The following AIG1 variants were observed in gnomAD, a reference collection of about 807,000 sequenced individuals.
AIG1 encodes androgen-induced gene 1 protein.
AIG1 carries 23 observed loss-of-function variants against 31.4 expected under a neutral mutation model. That is an observed-to-expected ratio of 0.73 (90% CI 0.53 to 1.04). The LOEUF is 1.04. AIG1 is among the 50% of genes least tolerant of loss of function. The pLI, the probability that AIG1 is intolerant of heterozygous loss-of-function variation, is 0.00. For synonymous variants in AIG1, 100 were observed against 110.5 expected, an observed-to-expected ratio of 0.90 and a Z score of 0.60; for missense variants, 274 against 295.0, an observed-to-expected ratio of 0.93 and a Z score of 0.52.
downstream of AIG1, chr6:143,342,825 A>G (rs1777883112): frequency 3.7e-6 from 3 of 802,764 alleles, no homozygotes; most frequent in Admixed American, 1.7e-5. Context: ...CAGTGATCTG[A>G]TATTTCAAAT....
chr6:143,197,958 G>A (rs7772833), intron 3 of AIG1, among the ~76,000 whole-genome samples: 23,170 of 152,104 alleles, frequency 0.15, 1,885 homozygotes, highest in Non-Finnish European at 0.18. Context: ...AAAAGAAGTT[G>A]GTGTTGTATA....
chr6:143,193,656 T>C (rs1278975203), intron 3 of AIG1, among the ~76,000 whole-genome samples: 1 of 152,366 alleles, frequency 6.6e-6, no homozygotes, highest in East Asian at 1.9e-4. Flanking sequence ...AACTTCATCA[T>C]AAAATGTACT....
At chr6:143,250,379 T>G (rs1794929410) in intron 3 of AIG1, among the ~76,000 whole-genome samples, 1 of 152,252 alleles carries the variant, frequency 6.6e-6, no homozygotes, top group South Asian at 2.1e-4. Context: ...GTTATAAATT[T>G]CAAAGATTTC....
rs11968804 is a variant in AIG1 at position 143,317,944 on chromosome 6, G to A, written c.516-15338G>A. ...ACTTAGAAATATAACTAATCAAGGAGGTGAAAGACATCTACAAGGAAAACT... is the reference window on the plus strand; with the variant it reads ...ACTTAGAAATATAACTAATCAAGGAAGTGAAAGACATCTACAAGGAAAACT... On this transcript the variant is annotated intron_variant, in intron 4 of 5. Transcript: ENST00000357847. Among the ~76,000 whole-genome samples, 879 of 151,892 alleles carry A rather than the reference G, an allele frequency of 5.8e-3. 5 individuals are homozygous for A. The highest frequency in any genetic ancestry group is 0.018 in the African/African-American group (761 of 41,446).
intron 2 of AIG1, among the ~76,000 whole-genome samples, chr6:143,149,438 A>C (rs1258701593): frequency 6.7e-6 from 1 of 150,360 alleles, no homozygotes; most frequent in Non-Finnish European, 1.5e-5. Context: ...GAGGCAGGAG[A>C]ATGGTGTGAA....
intron 4 of AIG1, among the ~76,000 whole-genome samples, chr6:143,303,467 A>G (rs1434296465): frequency 1.3e-5 from 2 of 152,158 alleles, no homozygotes; most frequent in Admixed American, 6.5e-5. Context: ...TCCCAGCACC[A>G]TTTATTAAAT....
At chr6:143,103,501 CTTTTTTTTTTTT>C (rs1173435325) in intron 1 of AIG1, among the ~76,000 whole-genome samples, 1 of 84,210 alleles carries the variant, frequency 1.2e-5, no homozygotes, top group African/African-American at 4.7e-5. Context: ...CAGAAGTTTT[CTTTTTTTTTTTT>C]TTTTTTTTTT....
At chr6:143,139,194 A>G (rs774413161) in intron 2 of AIG1, among the ~76,000 whole-genome samples, 4 of 151,966 alleles carry the variant, frequency 2.6e-5, no homozygotes, top group Non-Finnish European at 4.4e-5. Flanking sequence ...TTGTTTAGTT[A>G]TTTGTTTTAG....
intron 2 of AIG1, among the ~76,000 whole-genome samples, chr6:143,150,666 A>AAACCATG (rs1785137441): frequency 6.6e-6 from 1 of 152,084 alleles, no homozygotes; most frequent in Non-Finnish European, 1.5e-5. Context: ...GATGAACCAC[A>AAACCATG]TTTGTGCTTG....
intron 3 of AIG1, among the ~76,000 whole-genome samples, chr6:143,240,476 T>C (rs1794160346): frequency 6.6e-6 from 1 of 152,226 alleles, no homozygotes; most frequent in Non-Finnish European, 1.5e-5. Flanking sequence ...TTTCTCAATT[T>C]CTACATAAAA....
intron 3 of AIG1, among the ~76,000 whole-genome samples, chr6:143,166,839 C>T (rs1787003563): frequency 6.6e-6 from 1 of 152,070 alleles, no homozygotes; most frequent in Non-Finnish European, 1.5e-5. Context: ...TCTCAGAAAC[C>T]TTATATAATT....
intron 3 of AIG1, among the ~76,000 whole-genome samples, chr6:143,278,072 T>C (rs1173268099): frequency 1.3e-5 from 2 of 152,210 alleles, no homozygotes; most frequent in Admixed American, 6.5e-5. Context: ...CCATCACAAA[T>C]AGTCCAAAAT....
chr6:143,218,743 G>T (rs4896624), intron 3 of AIG1, among the ~76,000 whole-genome samples: 1 of 151,668 alleles, frequency 6.6e-6, no homozygotes, highest in African/African-American at 2.4e-5. Flanking sequence ...AATGAAGGAC[G>T]CTTCATTCAT....
At chr6:143,226,366 A>G (rs1019379873) in intron 3 of AIG1, among the ~76,000 whole-genome samples, 1 of 151,740 alleles carries the variant, frequency 6.6e-6, no homozygotes, top group Admixed American at 6.6e-5. Flanking sequence ...TCAGCCTCCA[A>G]GTAGCTGCGA....
chr6:143,252,752 G>T (rs578156354), intron 3 of AIG1, among the ~76,000 whole-genome samples: 2 of 152,302 alleles, frequency 1.3e-5, no homozygotes, highest in African/African-American at 4.8e-5. Context: ...CACGATTTCT[G>T]TAGATCAGGA....
intron 4 of AIG1, among the ~76,000 whole-genome samples, chr6:143,289,267 T>A (rs1797892713): frequency 6.6e-6 from 1 of 152,178 alleles, no homozygotes; most frequent in Non-Finnish European, 1.5e-5. Flanking sequence ...TTGATTTCCT[T>A]CAGGACCTCC....
At chr6:143,226,910 G>A (rs534542177) in intron 3 of AIG1, among the ~76,000 whole-genome samples, 6 of 151,158 alleles carry the variant, frequency 4.0e-5, no homozygotes, top group South Asian at 2.1e-4. Flanking sequence ...GCCCGCAGCC[G>A]ACATGCAGCC....
chr6:143,089,788 A>C (rs1562364052), intron 1 of AIG1, among the ~76,000 whole-genome samples: 1 of 152,144 alleles, frequency 6.6e-6, no homozygotes, highest in African/African-American at 2.4e-5. Flanking sequence ...ACTAATAGAG[A>C]TATAACCCAT....
chr6:143,246,651 A>G (rs923000743), intron 3 of AIG1, among the ~76,000 whole-genome samples: 8 of 152,256 alleles, frequency 5.3e-5, no homozygotes, highest in African/African-American at 1.4e-4. Context: ...TTGTGTGTGG[A>G]GTTCATAAAA....
Sources: gnomAD v4.1 joint callset for allele counts (sites outside exome capture counted in the v4.1 genomes callset) on GRCh38, gnomAD v4.1.1 for gene constraint, MANE v1.5 for transcripts, NCBI Gene and HGNC (gene_info 2026-07-23, HGNC 2026-07-21) for gene names.